KHDRBS2: variants seen among roughly 807,000 people sequenced by gnomAD.
KHDRBS2 encodes the protein KH domain-containing, RNA-binding, signal transduction-associated protein 2.
KHDRBS2 carries 26 observed loss-of-function variants against 44.3 expected under a neutral mutation model. That is an observed-to-expected ratio of 0.59 (90% CI 0.43 to 0.81). KHDRBS2 has a LOEUF of 0.81. KHDRBS2 is among the 40% of genes least tolerant of loss of function. KHDRBS2 has a pLI of 0.00. For synonymous variants in KHDRBS2, 194 were observed against 151.1 expected, an observed-to-expected ratio of 1.28 and a Z score of -2.08; for missense variants, 476 against 433.1, an observed-to-expected ratio of 1.10 and a Z score of -0.88.
At chr6:62,103,007 C>A (rs1802255111) in intron 2 of KHDRBS2, among the ~76,000 whole-genome samples, 1 of 152,092 alleles carries the variant, frequency 6.6e-6, no homozygotes, top group African/African-American at 2.4e-5. Flanking sequence ...GGCAGTTGTA[C>A]CTGATTCTGA....
the KHDRBS2 span, among the ~76,000 whole-genome samples, chr6:61,580,180 C>T: frequency 2.6e-5 from 4 of 152,186 alleles, no homozygotes; most frequent in African/African-American, 4.8e-5. Flanking sequence ...CAACTAATCA[C>T]TTTTTATTTT....
chr6:61,973,027 T>C (rs1470098698), intron 4 of KHDRBS2, among the ~76,000 whole-genome samples: 1 of 152,052 alleles, frequency 6.6e-6, no homozygotes, highest in Non-Finnish European at 1.5e-5. Context: ...GCACCTGTAA[T>C]CCCAGCTAAG....
intron 2 of KHDRBS2, among the ~76,000 whole-genome samples, chr6:62,106,532 A>G (rs1584739506): frequency 6.6e-6 from 1 of 152,166 alleles, no homozygotes; most frequent in African/African-American, 2.4e-5. Context: ...ACCAGGTACA[A>G]GGAGGAACTG....
At chr6:61,765,175 T>C (rs1779830307) in intron 6 of KHDRBS2, among the ~76,000 whole-genome samples, 3 of 152,112 alleles carry the variant, frequency 2.0e-5, no homozygotes, top group Admixed American at 1.3e-4. Flanking sequence ...TGGTAGCATT[T>C]CTATAATCCC....
At chr6:61,716,515 C>T (rs563863324) in intron 7 of KHDRBS2, among the ~76,000 whole-genome samples, 1 of 152,074 alleles carries the variant, frequency 6.6e-6, no homozygotes, top group African/African-American at 2.4e-5. Context: ...ACTTCCAGCT[C>T]TTCTTGGGGA....
At chr6:61,705,493 A>G (rs1029208358) in intron 7 of KHDRBS2, among the ~76,000 whole-genome samples, 3 of 151,892 alleles carry the variant, frequency 2.0e-5, no homozygotes, top group African/African-American at 7.2e-5. Flanking sequence ...GCCCAAGACC[A>G]GAAAAGAAAA....
intron 7 of KHDRBS2, among the ~76,000 whole-genome samples, chr6:61,718,605 G>T (rs1771832004): frequency 6.6e-6 from 1 of 152,028 alleles, no homozygotes; most frequent in Admixed American, 6.6e-5. Flanking sequence ...TGGGAGTAAT[G>T]GTAGGAGACT....
rs186045215 is a variant in KHDRBS2, at chr6:61,978,520, C to G, written c.337-308G>C. Among the ~76,000 whole-genome samples the G allele has an allele frequency of 1.1e-4, 16 of 152,158 alleles. 1 individual carries two copies. The highest frequency in any genetic ancestry group is 1.5e-5 in the Non-Finnish European group (1 of 67,968). On this transcript the variant is annotated intron_variant, in intron 3 of 8. Transcript: ENST00000281156. ...ACAGAATTGCCATTAACACTGTAGTCTACATGACTACATTCTGGAAGGGAA... is the reference window on the plus strand; with the variant it reads ...ACAGAATTGCCATTAACACTGTAGTGTACATGACTACATTCTGGAAGGGAA...
chr6:61,637,162 T>G, the KHDRBS2 span, among the ~76,000 whole-genome samples: 1 of 152,086 alleles, frequency 6.6e-6, no homozygotes, highest in South Asian at 2.1e-4. Flanking sequence ...TAAGTATATC[T>G]CCCAATGCTA....
At chr6:62,183,944 C>T (rs1432159305) in intron 1 of KHDRBS2, among the ~76,000 whole-genome samples, 3 of 151,582 alleles carry the variant, frequency 2.0e-5, no homozygotes, top group Admixed American at 6.6e-5. Flanking sequence ...AAATGGAACA[C>T]GGACAACTTA....
intron 2 of KHDRBS2, among the ~76,000 whole-genome samples, chr6:62,087,367 T>A (rs1798590428): frequency 6.6e-6 from 1 of 151,968 alleles, no homozygotes; most frequent in East Asian, 1.9e-4. Flanking sequence ...AAAAATTAGA[T>A]TTTAAAACTA....
chr6:62,074,311 C>T (rs1326245145), intron 2 of KHDRBS2, among the ~76,000 whole-genome samples: 1 of 151,866 alleles, frequency 6.6e-6, no homozygotes, highest in African/African-American at 2.4e-5. Context: ...ATTTTTGGAA[C>T]ACAGAGATCC....
chr6:61,944,489 A>G (rs746898105), intron 4 of KHDRBS2, among the ~76,000 whole-genome samples: 15 of 152,148 alleles, frequency 9.9e-5, no homozygotes, highest in Non-Finnish European at 1.9e-4. Flanking sequence ...TAGATACCAC[A>G]GGTAGGGAAG....
chr6:62,084,237 T>C (rs1364334651), intron 2 of KHDRBS2, among the ~76,000 whole-genome samples: 1 of 152,136 alleles, frequency 6.6e-6, no homozygotes, highest in Non-Finnish European at 1.5e-5. Context: ...ATGAAGGAGA[T>C]GGTTTAATGT....
chr6:61,678,641 T>G (rs867438001), downstream of KHDRBS2, among the ~76,000 whole-genome samples: 2 of 152,066 alleles, frequency 1.3e-5, no homozygotes, highest in Middle Eastern at 3.4e-3. Context: ...GATTAACTAC[T>G]AATTCACAAT....
rs560105062 is a variant in KHDRBS2 at position 61,807,516 on chromosome 6, C to T, written c.811-74752G>A. On this transcript the variant is annotated intron_variant, in intron 6 of 8. Transcript: ENST00000281156. ...AAAAAGAATGAGATCATGTCCTTTG[C>T]GGCAACATAGATGGAGCTGGGCGCT... 7.6e-4 allele frequency among the ~76,000 whole-genome samples: 115 copies of T among 152,016 alleles called. 4 individuals carry two copies. In the South Asian group the frequency reaches 0.021, roughly 28 times the overall value.
the KHDRBS2 span, among the ~76,000 whole-genome samples, chr6:61,609,796 G>C: frequency 6.6e-6 from 1 of 152,210 alleles, no homozygotes; most frequent in African/African-American, 2.4e-5. Flanking sequence ...CTAGCAGTGA[G>C]AGGGGAGTGA....
the KHDRBS2 span, among the ~76,000 whole-genome samples, chr6:61,616,466 TATAC>T: frequency 1.7e-4 from 4 of 23,322 alleles, no homozygotes; most frequent in African/African-American, 4.6e-4. Context: ...AATGAAAGAA[TATAC>T]ATATATATAT....
intron 4 of KHDRBS2, among the ~76,000 whole-genome samples, chr6:61,955,220 GTA>G (rs1168732162): frequency 1.4e-5 from 2 of 142,672 alleles, no homozygotes; most frequent in Non-Finnish European, 3.1e-5. Flanking sequence ...ATACATATGT[GTA>G]TATATACACA....
Sources: allele counts gnomAD v4.1 joint callset (sites outside exome capture counted in the v4.1 genomes callset), GRCh38; gene constraint gnomAD v4.1.1; transcripts MANE v1.5; gene names NCBI Gene and HGNC (gene_info 2026-07-23, HGNC 2026-07-21).